FGF12: variants seen among roughly 807,000 people sequenced by gnomAD.
FGF12 encodes fibroblast growth factor 12, also known as fibroblast growth factor 12B.
A neutral mutation model predicts 23.6 loss-of-function variants in FGF12; 14 were observed. The observed-to-expected ratio is 0.59, with a 90% CI of 0.39 to 0.93. The LOEUF is 0.93. Ranked by LOEUF, FGF12 falls within the 40% of genes least tolerant of loss-of-function variation. The probability of loss-of-function intolerance (pLI) is 0.00; values close to 1 mark genes in which losing one functional copy is unlikely to be tolerated. For missense variants in FGF12, 175 were observed against 217.8 expected (o/e 0.80, Z 1.24); for synonymous variants, 62 against 77.3 (o/e 0.80, Z 1.04).
At position 192,395,481 on chromosome 3, in the gene FGF12, T is replaced by C. The variant is rs147412643; in HGVS notation, c.14-34943A>G. 4.2e-3 allele frequency among the ~76,000 whole-genome samples: 642 copies of C among 152,342 alleles called. 3 individuals are homozygous for C. Among genetic ancestry groups the C allele is most frequent in the Middle Eastern group, 0.014 (4 of 294 alleles). On this transcript the variant is annotated intron_variant, in intron 2 of 5. Coordinates refer to ENST00000445105, the MANE Select transcript of FGF12 (RefSeq NM_004113.6). ...TATTTTCTTTCCCAACATTTTCATA[T>C]ATATGCAGAAATTCCCTCAGAGCCT...
At chr3:192,367,878 AGCAGCTACCTTGCTGAGG>A (rs529243261) in intron 2 of FGF12, among the ~76,000 whole-genome samples, 28 of 152,318 alleles carry the variant, frequency 1.8e-4, no homozygotes, top group Admixed American at 2.6e-4. Flanking sequence ...AGACACCATC[AGCAGCTACCTTGCTGAGG>A]GCCGTGAATC....
chr3:192,524,553 G>T (rs977814349), intron 2 of FGF12, among the ~76,000 whole-genome samples: 4 of 152,196 alleles, frequency 2.6e-5, no homozygotes, highest in African/African-American at 7.2e-5. Flanking sequence ...TCAAAGGCTT[G>T]TTGGACATGA....
In FGF12 at chr3:192,512,673, G is replaced by C. The variant is rs890280065; in HGVS notation, c.14-152135C>G. 2.7e-5 allele frequency among the ~76,000 whole-genome samples: 4 copies of C among 150,900 alleles called. No homozygotes were observed. In the East Asian group the frequency reaches 7.7e-4, roughly 29 times the overall value. Reference sequence around the variant, plus strand: ...AGAAACAGTCTTCTGATACAAAACCGTATATTACCTCTGTCTGTGGAAAGG... The same window carrying C: ...AGAAACAGTCTTCTGATACAAAACCCTATATTACCTCTGTCTGTGGAAAGG... On this transcript the variant is annotated intron_variant, in intron 2 of 5. Transcript: ENST00000445105.
chr3:192,271,178 C>T (rs1423842312), intron 4 of FGF12, among the ~76,000 whole-genome samples: 6 of 152,162 alleles, frequency 3.9e-5, no homozygotes. Context: ...GAAGAATAAG[C>T]CTCATGTTTG....
At chr3:192,682,838 G>A (rs1049209247) in intron 2 of FGF12, among the ~76,000 whole-genome samples, 2 of 152,148 alleles carry the variant, frequency 1.3e-5, no homozygotes, top group African/African-American at 4.8e-5. Flanking sequence ...GGTTGACTTC[G>A]TTCATGTGGC....
intron 2 of FGF12, among the ~76,000 whole-genome samples, chr3:192,676,910 A>G (rs554742658): frequency 2.5e-4 from 38 of 152,322 alleles, no homozygotes; most frequent in Non-Finnish European, 4.9e-4. Context: ...AGCCTCCAGA[A>G]TGGGGAGAAA....
intron 2 of FGF12, among the ~76,000 whole-genome samples, chr3:192,584,279 T>A (rs2108616641): frequency 6.9e-6 from 1 of 145,490 alleles, no homozygotes; most frequent in Non-Finnish European, 1.5e-5. Flanking sequence ...ATAGCCGTTT[T>A]CTTTGTTGTA....
chr3:192,223,074 C>A (rs1023159950), intron 4 of FGF12, among the ~76,000 whole-genome samples: 1 of 152,048 alleles, frequency 6.6e-6, no homozygotes, highest in Non-Finnish European at 1.5e-5. Flanking sequence ...ATTTTCAAAG[C>A]AAATAAAATC....
At chr3:192,182,597 G>T (rs1431716810) in intron 4 of FGF12, among the ~76,000 whole-genome samples, 1 of 152,056 alleles carries the variant, frequency 6.6e-6, no homozygotes, top group East Asian at 1.9e-4. Flanking sequence ...GAATAAATAT[G>T]TTTACTTACC....
At chr3:192,494,402 C>T (rs1723886999) in intron 2 of FGF12, among the ~76,000 whole-genome samples, 1 of 152,216 alleles carries the variant, frequency 6.6e-6, no homozygotes. Context: ...TGGCACAGAG[C>T]TGCTTTTCAA....
At chr3:192,649,598 C>G (rs1235906271) in intron 2 of FGF12, among the ~76,000 whole-genome samples, 1 of 151,876 alleles carries the variant, frequency 6.6e-6, no homozygotes, top group African/African-American at 2.4e-5. Context: ...CCCTGTCTTC[C>G]AGGATGGAAT....
In FGF12 at chr3:192,219,908, C is replaced by G. The variant is rs140118573; in HGVS notation, c.229-49252G>C. ...CTCTAACTGAGTTCATTCTCATTTT[C>G]CCAGACCTAATTTTTCTTTTGAAAT... On this transcript the variant is annotated intron_variant, in intron 4 of 5. Coordinates refer to ENST00000445105, the MANE Select transcript of FGF12 (RefSeq NM_004113.6). Among the ~76,000 whole-genome samples the G allele has an allele frequency of 3.0e-3, 450 of 152,286 alleles. 4 individuals carry two copies. The highest frequency in any genetic ancestry group is 0.017 in the Middle Eastern group (5 of 294).
At chr3:192,158,449 C>CT (rs1292718924) in intron 5 of FGF12, among the ~76,000 whole-genome samples, 1 of 115,358 alleles carries the variant, frequency 8.7e-6, no homozygotes, top group Non-Finnish European at 1.9e-5. Context: ...TTTCTTTCTT[C>CT]TTTTTTCTTG....
chr3:192,334,951 A>G (rs1044644133), intron 4 of FGF12, among the ~76,000 whole-genome samples: 1 of 152,158 alleles, frequency 6.6e-6, no homozygotes, highest in Non-Finnish European at 1.5e-5. Flanking sequence ...ACAAATTATG[A>G]ACGTTTTTTT....
Position 192,529,800 on chromosome 3 carries a change from C to G in FGF12, c.14-169262G>C, listed in dbSNP as rs558508241. 3.3e-5 allele frequency among the ~76,000 whole-genome samples: 5 copies of G among 152,262 alleles called. 1 individual carries two copies. The South Asian group carries it at 1.0e-3, about 32-fold the overall frequency. On this transcript the variant is annotated intron_variant, in intron 2 of 5. Coordinates refer to ENST00000445105, the MANE Select transcript of FGF12 (RefSeq NM_004113.6). ...CATCAGATCTTGTGAGATTTATTCA[C>G]TATCTCAAGAACAGCACAGGAAAGA...
At chr3:192,520,388 T>C (rs867415025) in intron 2 of FGF12, among the ~76,000 whole-genome samples, 24 of 152,338 alleles carry the variant, frequency 1.6e-4, no homozygotes, top group Admixed American at 4.6e-4. Flanking sequence ...TAAATCCTAC[T>C]ATACACTTAA....
intron 4 of FGF12, among the ~76,000 whole-genome samples, chr3:192,244,437 T>C (rs1224996468): frequency 6.6e-6 from 1 of 152,112 alleles, no homozygotes; most frequent in Non-Finnish European, 1.5e-5. Flanking sequence ...AATGGAGTGA[T>C]AGTGTGGACA....
intron 4 of FGF12, among the ~76,000 whole-genome samples, chr3:192,186,588 T>G (rs894180209): frequency 1.1e-4 from 17 of 152,372 alleles, no homozygotes; most frequent in African/African-American, 3.8e-4. Flanking sequence ...TCAGTTCATT[T>G]TCTCTTACAT....
intron 2 of FGF12, among the ~76,000 whole-genome samples, chr3:192,460,574 G>A (rs866214618): frequency 2.6e-5 from 4 of 151,758 alleles, no homozygotes; most frequent in Middle Eastern, 3.4e-3. Flanking sequence ...GGCTACAGAC[G>A]CTTTCCGAAT....
Sources: allele counts gnomAD v4.1 joint callset (sites outside exome capture counted in the v4.1 genomes callset), GRCh38; gene constraint gnomAD v4.1.1; transcripts MANE v1.5; gene names NCBI Gene and HGNC (gene_info 2026-07-23, HGNC 2026-07-21).